Variants in SMC5 observed in about 807,000 individuals in gnomAD.
SMC5 encodes structural maintenance of chromosomes protein 5.
In SMC5, 88 loss-of-function variants were observed where a neutral mutation model predicts 148.3. That is an observed-to-expected ratio of 0.59 (90% CI 0.50 to 0.71). The LOEUF (loss-of-function observed/expected upper bound fraction) is 0.71. SMC5 is among the 30% of genes least tolerant of loss of function. The pLI is 0.00. For synonymous variants in SMC5, 421 were observed against 432.8 expected, an observed-to-expected ratio of 0.97 and a Z score of 0.34; for missense variants, 1,142 against 1,298.9, an observed-to-expected ratio of 0.88 and a Z score of 1.86.
At chr9:70,314,944 A>G in intron 12 of SMC5, 108 bp downstream of exon 12, 1 of 694,190 alleles carries the variant, frequency 1.4e-6, no homozygotes, top group South Asian at 3.1e-5. Context: ...AGATCTCTTA[A>G]GTCGAATATA....
intron 15 of SMC5, among the ~76,000 whole-genome samples, chr9:70,320,873 G>C (rs549422845): frequency 5.1e-4 from 78 of 152,276 alleles, no homozygotes; most frequent in African/African-American, 1.9e-3. Flanking sequence ...AAGAATCTAA[G>C]AACTAGTATA....
chr9:70,346,719 C>T, intron 19 of SMC5, 70 bp downstream of exon 19: 3 of 1,506,900 alleles, frequency 2.0e-6, no homozygotes. Context: ...TAGCCATTTG[C>T]TTTAAGGCCC....
chr9:70,320,830 G>A (rs936850091), intron 15 of SMC5, among the ~76,000 whole-genome samples: 3 of 152,062 alleles, frequency 2.0e-5, no homozygotes, highest in Non-Finnish European at 4.4e-5. Flanking sequence ...AAGGGAATTT[G>A]GCATTTTTAA....
chr9:70,302,804 A>G (rs2035394798), intron 10 of SMC5, among the ~76,000 whole-genome samples: 1 of 152,246 alleles, frequency 6.6e-6, no homozygotes, highest in Non-Finnish European at 1.5e-5. Context: ...TAAACTGGCC[A>G]GTGACCCTAC....
chr9:70,323,702 T>A, intron 16 of SMC5, 96 bp downstream of exon 16: 1 of 1,323,688 alleles, frequency 7.6e-7, no homozygotes, highest in Non-Finnish European at 1.0e-6. Context: ...TTGATTAAGG[T>A]TTTTGACATT....
rs577507828 is a variant in SMC5 at position 70,323,597 on chromosome 9, C to A, written c.2265C>A (p.Asn755Lys). 20 of 1,610,724 alleles carry A rather than the reference C, an allele frequency of 1.2e-5. No individual in the cohort carries two copies. In the East Asian group the frequency reaches 4.3e-4, roughly 34 times the overall value. ...CGAAACTTGTTACCGAATTAACAAA[C>A]CTAATAAAGGTAAGGTATTGTTTTA... ...QKAKLVTELT[N>K]LIKICTSLHI... Residue 755 changes from asparagine (N) to lysine (K), a missense_variant, in exon 16 of 25, where the codon AAC becomes AAA. By Grantham distance (94) the Asn-to-Lys change is moderately conservative. Coordinates refer to ENST00000361138, the MANE Select transcript of SMC5 (RefSeq NM_015110.4).
At chr9:70,292,054 C>A (rs887354448) in intron 8 of SMC5, among the ~76,000 whole-genome samples, 1 of 152,102 alleles carries the variant, frequency 6.6e-6, no homozygotes, top group Non-Finnish European at 1.5e-5. Context: ...TGAATAACAG[C>A]TTCCCAGATT....
At chr9:70,334,076 A>G (rs1410983261) in intron 17 of SMC5, among the ~76,000 whole-genome samples, 2 of 151,924 alleles carry the variant, frequency 1.3e-5, no homozygotes, top group Admixed American at 6.6e-5. Context: ...ATATGGATCA[A>G]TGGAACAGAA....
intron 17 of SMC5, 144 bp from the exon 18 acceptor site, chr9:70,343,998 AAG>A (rs2036593753): frequency 2.1e-6 from 1 of 472,964 alleles, no homozygotes. Flanking sequence ...TTATAATAAA[AAG>A]AGTCATTATT....
chr9:70,348,216 G>A (rs540941706), intron 22 of SMC5, among the ~76,000 whole-genome samples, 178 bp downstream of exon 22: 1 of 152,154 alleles, frequency 6.6e-6, no homozygotes, highest in Admixed American at 6.5e-5. Context: ...CTTTTTTTGG[G>A]GGGGGTTATG....
rs770803938 is a variant in SMC5, at chr9:70,280,746, A to G, written c.679-13A>G. 488 of 1,600,220 alleles carry G rather than the reference A, an allele frequency of 3.0e-4. No homozygotes were observed. The highest frequency in any genetic ancestry group is 3.9e-4 in the Non-Finnish European group (464 of 1,176,226). On this transcript the variant is annotated splice_polypyrimidine_tract_variant and intron_variant, in intron 5 of 24. Transcript: ENST00000361138. ...TTCTGTCAAACTGATTGTTCAACAT[A>G]TATTTATTGTAGACCTCATGCAAAG...
chr9:70,350,045 C>T, intron 22 of SMC5, 69 bp from the exon 23 acceptor site: 4 of 1,143,326 alleles, frequency 3.5e-6, no homozygotes, highest in Non-Finnish European at 4.8e-6. Context: ...TAATTCAATC[C>T]ATTTTCAAAT....
chr9:70,346,976 G>C, intron 19 of SMC5, 90 bp from the exon 20 acceptor site: 1 of 925,888 alleles, frequency 1.1e-6, no homozygotes, highest in South Asian at 1.6e-5. Flanking sequence ...TGAACAGATA[G>C]ATAACTTATT....
chr9:70,313,482 T>A (rs1400836686), intron 11 of SMC5, among the ~76,000 whole-genome samples: 1 of 151,752 alleles, frequency 6.6e-6, no homozygotes, highest in Non-Finnish European at 1.5e-5. Context: ...TTAGTAGTTG[T>A]TTTTTTTGTT....
chr9:70,341,822 A>T (rs1421167405), intron 17 of SMC5, among the ~76,000 whole-genome samples: 2 of 151,850 alleles, frequency 1.3e-5, no homozygotes, highest in African/African-American at 2.4e-5. Context: ...ATTGTGGAAG[A>T]CAGTGTGGCA....
At chr9:70,345,144 G>T (rs1207299660) in intron 18 of SMC5, among the ~76,000 whole-genome samples, 1 of 149,144 alleles carries the variant, frequency 6.7e-6, no homozygotes, top group Non-Finnish European at 1.5e-5. Context: ...AATACATTGT[G>T]TTGTTATAAA....
At position 70,347,986 on chromosome 9, in the gene SMC5, T is replaced by C. The variant is rs1564075020; in HGVS notation, c.2837T>C (p.Phe946Ser). Residue 946 changes from phenylalanine (F) to serine (S), a missense_variant, in exon 22 of 25, where the codon TTT becomes TCT. Transcript: ENST00000361138. ...VEKINEKFSNFFSSMQCAGEV... is the reference protein window; with the variant it reads ...VEKINEKFSNSFSSMQCAGEV... ...AAAATTAATGAAAAATTCAGCAATT[T>C]TTTTAGTTCCATGCAGTGTGCTGGT... 1 of 1,608,346 alleles carries C rather than the reference T, an allele frequency of 6.2e-7. No individual in the cohort carries two copies. The highest frequency in any genetic ancestry group is 8.5e-7 in the Non-Finnish European group (1 of 1,178,188).
At chr9:70,325,089 C>T (rs1013210398) in intron 17 of SMC5, among the ~76,000 whole-genome samples, 11 of 152,130 alleles carry the variant, frequency 7.2e-5, no homozygotes, top group Non-Finnish European at 1.5e-4. Flanking sequence ...CAGCCCTCTT[C>T]CCTGGAGTTT....
At chr9:70,300,336 T>A in intron 10 of SMC5, 136 bp downstream of exon 10, 1 of 699,442 alleles carries the variant, frequency 1.4e-6, no homozygotes, top group East Asian at 3.2e-5. Flanking sequence ...CTGCTGAATC[T>A]ATACATGAGC....
Sources: gnomAD v4.1 joint callset for allele counts (sites outside exome capture counted in the v4.1 genomes callset) on GRCh38, gnomAD v4.1.1 for gene constraint, MANE v1.5 for transcripts, NCBI Gene and HGNC (gene_info 2026-07-23, HGNC 2026-07-21) for gene names.